ARMH4: variants seen among roughly 807,000 people sequenced by gnomAD.
ARMH4 encodes armadillo-like helical domain-containing protein 4.
A neutral mutation model predicts 61.9 loss-of-function variants in ARMH4; 49 were observed. The ratio of observed to expected loss-of-function variants is 0.79; its 90% CI spans 0.63 to 1.00. The LOEUF (loss-of-function observed/expected upper bound fraction) is 1.00. Among genes scored for constraint, ARMH4 ranks in the 50% least tolerant of loss-of-function variants. The pLI, the probability that ARMH4 is intolerant of heterozygous loss-of-function variation, is 0.00. For missense variants in ARMH4, 934 were observed against 930.0 expected (o/e 1.00, Z -0.06); for synonymous variants, 368 against 341.5 (o/e 1.08, Z -0.85).
chr14:58,004,134 T>C lies in ARMH4; in HGVS notation c.*602A>G, dbSNP rs1312609084. 1 of 152,190 alleles carries C rather than the reference T, an allele frequency of 6.6e-6. No individual in the cohort carries two copies. The highest frequency in any genetic ancestry group is 1.5e-5 in the Non-Finnish European group (1 of 68,034). The allele number at this position is 152,190 out of a possible 1,614,324, so 9.4% of individuals were successfully genotyped here. ...AGAATAAAACGGAAGGTGAGAATAA[T>C]AAAACTAGGAGACTGAAGTACATAA... On this transcript the variant is annotated 3_prime_UTR_variant, in exon 8 of 8. Coordinates refer to ENST00000267485, the MANE Select transcript of ARMH4 (RefSeq NM_001001872.4).
At chr14:58,097,456 T>A (rs1284987003) in intron 4 of ARMH4, among the ~76,000 whole-genome samples, 1 of 152,168 alleles carries the variant, frequency 6.6e-6, no homozygotes, top group East Asian at 1.9e-4. Flanking sequence ...TGAGTAGAAC[T>A]CACAAAAATG....
At chr14:58,054,869 C>CA (rs72336341) in intron 5 of ARMH4, among the ~76,000 whole-genome samples, 334 of 104,118 alleles carry the variant, frequency 3.2e-3, no homozygotes, top group African/African-American at 8.3e-3. Flanking sequence ...GACTCTGTCT[C>CA]AAAAAAAAAA....
In ARMH4 at chr14:58,081,570, G is replaced by A. The variant is rs370683696; in HGVS notation, c.2089+15154C>T. Among the ~76,000 whole-genome samples, 121 of 150,750 alleles carry A rather than the reference G, an allele frequency of 8.0e-4. No homozygotes were observed. The South Asian group carries it at 0.01, about 13-fold the overall frequency. On this transcript the variant is annotated intron_variant, in intron 5 of 7. Coordinates refer to ENST00000267485, the MANE Select transcript of ARMH4 (RefSeq NM_001001872.4). ...GGCTGGAGTGCAGTGGTGCTATCTC[G>A]GCTCACTGCAAGCTCCGCCTCCCAG... is the stretch of plus-strand genomic sequence containing the variant.
At chr14:58,016,019 C>T (rs1882598729) in intron 5 of ARMH4, among the ~76,000 whole-genome samples, 1 of 151,516 alleles carries the variant, frequency 6.6e-6, no homozygotes, top group Admixed American at 6.6e-5. Flanking sequence ...ATGGATACAG[C>T]TTTTCAAAGG....
intron 4 of ARMH4, among the ~76,000 whole-genome samples, chr14:58,119,295 T>C (rs1050354150): frequency 6.6e-6 from 1 of 152,254 alleles, no homozygotes; most frequent in Non-Finnish European, 1.5e-5. Flanking sequence ...TACAGCTTGA[T>C]AAAGTGTAGT....
At chr14:58,093,264 T>A (rs919152335) in intron 5 of ARMH4, among the ~76,000 whole-genome samples, 2 of 152,154 alleles carry the variant, frequency 1.3e-5, no homozygotes, top group South Asian at 4.2e-4. Context: ...CATAGCAGCA[T>A]GACAACAAAC....
chr14:58,021,692 T>G (rs986841977), intron 5 of ARMH4, among the ~76,000 whole-genome samples: 1 of 152,032 alleles, frequency 6.6e-6, no homozygotes, highest in African/African-American at 2.4e-5. Flanking sequence ...TCCCCAACAT[T>G]TAAAGACCAG....
At chr14:58,007,554 G>C (rs1220865625) in intron 6 of ARMH4, among the ~76,000 whole-genome samples, 1 of 152,066 alleles carries the variant, frequency 6.6e-6, no homozygotes, top group African/African-American at 2.4e-5. Flanking sequence ...GAAATTACAA[G>C]TAAATTACAA....
At chr14:58,105,504 T>C (rs927718549) in intron 4 of ARMH4, among the ~76,000 whole-genome samples, 5 of 152,092 alleles carry the variant, frequency 3.3e-5, no homozygotes, top group East Asian at 3.9e-4. Flanking sequence ...CTGGCCAACA[T>C]GGTAAAACCC....
intron 5 of ARMH4, among the ~76,000 whole-genome samples, chr14:58,064,579 GCA>G (rs1184952263): frequency 1.3e-4 from 20 of 152,096 alleles, no homozygotes; most frequent in African/African-American, 3.9e-4. Flanking sequence ...TAGCACCAGA[GCA>G]ATGTGACAAA....
At chr14:58,008,368 C>A (rs1034044619) in intron 6 of ARMH4, among the ~76,000 whole-genome samples, 1 of 152,144 alleles carries the variant, frequency 6.6e-6, no homozygotes, top group Non-Finnish European at 1.5e-5. Flanking sequence ...ACTCTTGTAT[C>A]TCATCTGTAA....
chr14:58,018,761 C>G (rs905688613), intron 5 of ARMH4, among the ~76,000 whole-genome samples: 5 of 152,084 alleles, frequency 3.3e-5, no homozygotes, highest in African/African-American at 1.2e-4. Context: ...CCCTGCAATC[C>G]CACTACTGGG....
At chr14:58,077,772 G>A (rs765659906) in intron 5 of ARMH4, among the ~76,000 whole-genome samples, 1 of 152,146 alleles carries the variant, frequency 6.6e-6, no homozygotes, top group Admixed American at 6.5e-5. Context: ...ACCAAGATTG[G>A]AATCCACATC....
chr14:58,010,074 A>G (rs1404273017), intron 6 of ARMH4, among the ~76,000 whole-genome samples: 1 of 152,224 alleles, frequency 6.6e-6, no homozygotes, highest in Non-Finnish European at 1.5e-5. Context: ...GCTTGCCTGA[A>G]GAGCCAGGTT....
At chr14:58,045,382 T>C (rs1192650520) in intron 5 of ARMH4, among the ~76,000 whole-genome samples, 1 of 152,072 alleles carries the variant, frequency 6.6e-6, no homozygotes, top group Non-Finnish European at 1.5e-5. Context: ...AAACATCACA[T>C]GTTCTCACTC....
At chr14:58,032,174 A>T (rs1883264343) in intron 5 of ARMH4, among the ~76,000 whole-genome samples, 1 of 152,076 alleles carries the variant, frequency 6.6e-6, no homozygotes, top group African/African-American at 2.4e-5. Context: ...TCATCTGGAG[A>T]ACCCAGATGA....
chr14:58,020,186 AC>A (rs1360937140), intron 5 of ARMH4, among the ~76,000 whole-genome samples: 3 of 152,120 alleles, frequency 2.0e-5, no homozygotes, highest in Admixed American at 6.5e-5. Flanking sequence ...TGGAACTCAG[AC>A]CTTTATGGCT....
intron 4 of ARMH4, among the ~76,000 whole-genome samples, chr14:58,104,843 G>T (rs1382036647): frequency 1.3e-5 from 2 of 152,152 alleles, no homozygotes; most frequent in Non-Finnish European, 2.9e-5. Flanking sequence ...GAATACATGA[G>T]TAAATGTATA....
chr14:58,031,281 T>C (rs1380164657), intron 5 of ARMH4, among the ~76,000 whole-genome samples: 2 of 152,254 alleles, frequency 1.3e-5, no homozygotes, highest in African/African-American at 2.4e-5. Flanking sequence ...CATTTTCATA[T>C]ACTTTTATGA....
Sources: allele counts gnomAD v4.1 joint callset (sites outside exome capture counted in the v4.1 genomes callset), GRCh38; gene constraint gnomAD v4.1.1; transcripts MANE v1.5; gene names NCBI Gene and HGNC (gene_info 2026-07-23, HGNC 2026-07-21).